DLGAP2: variants seen among roughly 807,000 people sequenced by gnomAD.
The protein encoded by DLGAP2 is DLG associated protein 2.
A neutral mutation model predicts 100.3 loss-of-function variants in DLGAP2; 26 were observed. The observed-to-expected ratio is 0.26, with a 90% CI of 0.19 to 0.36. The LOEUF is 0.36. DLGAP2 is among the 10% of genes least tolerant of loss of function. DLGAP2 has a pLI of 1.00. For synonymous variants in DLGAP2, 886 were observed against 630.1 expected, an observed-to-expected ratio of 1.41 and a Z score of -6.08; for missense variants, 1,858 against 1,453.2, an observed-to-expected ratio of 1.28 and a Z score of -4.53.
intron 2 of DLGAP2, among the ~76,000 whole-genome samples, chr8:1,040,453 C>T (rs529447388): frequency 1.6e-4 from 23 of 146,330 alleles, no homozygotes; most frequent in South Asian, 2.2e-4. Context: ...GCTCAGTTTC[C>T]GTGGTCGTCT....
At chr8:1,526,233 C>T (rs574313329) in intron 4 of DLGAP2, among the ~76,000 whole-genome samples, 132 of 151,730 alleles carry the variant, frequency 8.7e-4, no homozygotes, top group Middle Eastern at 3.4e-3. Context: ...GTGGACGTTG[C>T]GGTGGCGATT....
chr8:1,365,945 C>G (rs1585303841), intron 3 of DLGAP2, among the ~76,000 whole-genome samples: 1 of 152,330 alleles, frequency 6.6e-6, no homozygotes, highest in African/African-American at 2.4e-5. Context: ...AGCTTCACGT[C>G]TCTTTGTGGA....
chr8:792,894 G>C (rs1415980909), intron 1 of DLGAP2, among the ~76,000 whole-genome samples: 1 of 152,184 alleles, frequency 6.6e-6, no homozygotes, highest in Non-Finnish European at 1.5e-5. Context: ...ATGGGGCTGA[G>C]TGTGTTTTCA....
chr8:1,365,623 T>C lies in DLGAP2; in HGVS notation c.106+106740T>C, dbSNP rs1226290176. Among the ~76,000 whole-genome samples the C allele has an allele frequency of 3.9e-5, 6 of 152,320 alleles. No individual in the cohort carries two copies. In the East Asian group the frequency reaches 1.2e-3, roughly 29 times the overall value. ...TACCTGGATGTCCTCTAGCTATTAA[T>C]GGCATTGACCTGTCTCCAAAACCAA... On this transcript the variant is annotated intron_variant, in intron 3 of 14. Transcript: ENST00000637795.
intron 6 of DLGAP2, among the ~76,000 whole-genome samples, chr8:1,614,466 C>T (rs1563257361): frequency 6.6e-6 from 1 of 152,244 alleles, no homozygotes. Context: ...GAGGTGGCCT[C>T]TGCCGCAGCT....
chr8:1,610,788 G>T (rs1796970153), intron 6 of DLGAP2, among the ~76,000 whole-genome samples: 1 of 144,782 alleles, frequency 6.9e-6, no homozygotes, highest in Admixed American at 6.7e-5. Context: ...AGAAAATCTA[G>T]AAGAAATTAA....
chr8:1,116,169 G>A (rs12386796), intron 2 of DLGAP2, among the ~76,000 whole-genome samples: 42,478 of 152,126 alleles, frequency 0.28, 6,775 homozygotes, highest in Non-Finnish European at 0.38. Flanking sequence ...GTGCGCAGGC[G>A]TCAGCTGGGG....
At chr8:790,036 T>C (rs1010981820) in intron 1 of DLGAP2, among the ~76,000 whole-genome samples, 1 of 152,208 alleles carries the variant, frequency 6.6e-6, no homozygotes, top group African/African-American at 2.4e-5. Flanking sequence ...ACGACGTCAG[T>C]GCAGTGCGTG....
At chr8:916,281 T>C (rs111624434) in intron 2 of DLGAP2, among the ~76,000 whole-genome samples, 1,678 of 152,330 alleles carry the variant, frequency 0.011, 26 homozygotes, top group African/African-American at 0.038. Context: ...CCAATGCTGA[T>C]GTCACTCATG....
chr8:844,135 C>T (rs1438857969), intron 1 of DLGAP2, among the ~76,000 whole-genome samples: 1 of 152,164 alleles, frequency 6.6e-6, no homozygotes, highest in Non-Finnish European at 1.5e-5. Context: ...GAGTATTCGT[C>T]AGCTCTGCCA....
intron 2 of DLGAP2, among the ~76,000 whole-genome samples, chr8:1,116,605 G>T (rs1213129259): frequency 1.3e-5 from 2 of 152,076 alleles, no homozygotes; most frequent in Admixed American, 1.3e-4. Context: ...AGACCAGCCT[G>T]GGCAACTTGG....
rs191314872 is a variant in DLGAP2, at chr8:1,194,059, G to A, written c.74-64792G>A. 5.9e-5 allele frequency among the ~76,000 whole-genome samples: 9 copies of A among 152,254 alleles called. No homozygotes were observed. The South Asian group carries it at 6.2e-4, about 11-fold the overall frequency. On this transcript the variant is annotated intron_variant, in intron 2 of 14. Coordinates refer to ENST00000637795, the MANE Select transcript of DLGAP2 (RefSeq NM_001346810.2). Reference sequence around the variant, plus strand: ...CACGTACTGTGACATTCAAGTCAACGTGACAGGTGTGAACTGGGATGCCGC... The same window carrying A: ...CACGTACTGTGACATTCAAGTCAACATGACAGGTGTGAACTGGGATGCCGC...
intron 8 of DLGAP2, among the ~76,000 whole-genome samples, chr8:1,655,833 A>G (rs1798270946): frequency 6.6e-6 from 1 of 152,208 alleles, no homozygotes; most frequent in South Asian, 2.1e-4. Flanking sequence ...TCAGGGAACT[A>G]TGTCCAGACA....
At chr8:1,662,312 A>T (rs1255969662) in intron 8 of DLGAP2, among the ~76,000 whole-genome samples, 3 of 152,240 alleles carry the variant, frequency 2.0e-5, no homozygotes, top group African/African-American at 7.2e-5. Context: ...AGTTTGGGTC[A>T]TGGAGTGTCA....
intron 1 of DLGAP2, among the ~76,000 whole-genome samples, chr8:898,924 A>C (rs1426040110): frequency 1.3e-5 from 2 of 152,232 alleles, no homozygotes. Context: ...CAGCGCCGAC[A>C]GTTCCTGGGA....
intron 2 of DLGAP2, among the ~76,000 whole-genome samples, chr8:985,408 C>T (rs1424009393): frequency 6.6e-6 from 1 of 152,182 alleles, no homozygotes; most frequent in Non-Finnish European, 1.5e-5. Flanking sequence ...AAAACAAGGG[C>T]CATGACAACC....
intron 3 of DLGAP2, among the ~76,000 whole-genome samples, chr8:1,498,463 G>C (rs571039118): frequency 6.6e-6 from 1 of 152,090 alleles, no homozygotes; most frequent in Non-Finnish European, 1.5e-5. Context: ...AGTCAGGTTG[G>C]AAAGTGAGCC....
chr8:1,211,084 T>A (rs188787768), intron 2 of DLGAP2, among the ~76,000 whole-genome samples: 10 of 152,358 alleles, frequency 6.6e-5, no homozygotes, highest in Admixed American at 6.5e-4. Context: ...CAAGTGAGGA[T>A]GAGCTGTGGT....
At chr8:1,695,124 A>G (rs987548199) in intron 13 of DLGAP2, among the ~76,000 whole-genome samples, 4 of 152,172 alleles carry the variant, frequency 2.6e-5, no homozygotes, top group African/African-American at 7.2e-5. Context: ...ATCCCCCAGG[A>G]GATGTGACCA....
Sources: gnomAD v4.1 joint callset for allele counts (sites outside exome capture counted in the v4.1 genomes callset) on GRCh38, gnomAD v4.1.1 for gene constraint, MANE v1.5 for transcripts, NCBI Gene and HGNC (gene_info 2026-07-23, HGNC 2026-07-21) for gene names.